ZNF385D: variants seen among roughly 807,000 people sequenced by gnomAD.
ZNF385D encodes the protein zinc finger protein 659.
ZNF385D carries 15 observed loss-of-function variants against 35.8 expected under a neutral mutation model. That is an observed-to-expected ratio of 0.42 (90% CI 0.28 to 0.64). ZNF385D has a LOEUF of 0.64. ZNF385D is among the 30% of genes least tolerant of loss of function. The pLI, the probability that ZNF385D is intolerant of heterozygous loss-of-function variation, is 0.23. For synonymous variants in ZNF385D, 212 were observed against 186.8 expected (o/e 1.13, Z -1.10); for missense variants, 474 against 494.6 (o/e 0.96, Z 0.39).
In ZNF385D at chr3:22,018,246, T is replaced by C. The variant is rs1697008766; in HGVS notation, c.325+150571A>G. 2.6e-5 allele frequency among the ~76,000 whole-genome samples: 4 copies of C among 151,676 alleles called. No individual in the cohort carries two copies. In the South Asian group the frequency reaches 8.3e-4, roughly 32 times the overall value. ...TGTCTAAGAGGGATATGTGTTTTTT[T>C]TTAAGAATTTTTCGAAAATAACTTG... On this transcript the variant is annotated intron_variant, in intron 3 of 5. Coordinates refer to the ZNF385D transcript ENST00000494108.
intron 2 of ZNF385D, among the ~76,000 whole-genome samples, chr3:22,353,091 C>T (rs1695991234): frequency 6.6e-6 from 1 of 152,186 alleles, no homozygotes; most frequent in African/African-American, 2.4e-5. Flanking sequence ...TAGGCAGTAG[C>T]TAAGGAAGCT....
rs564820237 is a variant in ZNF385D, at chr3:22,163,062, C to T, written c.325+5755G>A. Among the ~76,000 whole-genome samples, 41 of 152,216 alleles carry T rather than the reference C, an allele frequency of 2.7e-4. 1 individual carries two copies. In the South Asian group the frequency reaches 6.4e-3, roughly 24 times the overall value. On this transcript the variant is annotated intron_variant, in intron 3 of 5. Transcript: ENST00000494108. ...GAATGGACTTTCAGAGATGTCTACC[C>T]ACTTTTGAGGCAAGGAGCTGGGACT...
intron 3 of ZNF385D, among the ~76,000 whole-genome samples, chr3:21,994,056 C>A (rs1277405962): frequency 6.6e-6 from 1 of 152,168 alleles, no homozygotes; most frequent in East Asian, 1.9e-4. Context: ...TAAGCCCAAA[C>A]CTACACAAAG....
intron 3 of ZNF385D, among the ~76,000 whole-genome samples, chr3:21,833,329 G>C (rs1239234136): frequency 6.6e-6 from 1 of 152,140 alleles, no homozygotes; most frequent in Middle Eastern, 3.2e-3. Flanking sequence ...TATGGCAAAA[G>C]ATACAAATAA....
At chr3:21,985,754 C>G (rs879747123) in intron 3 of ZNF385D, among the ~76,000 whole-genome samples, 2,210 of 106,588 alleles carry the variant, frequency 0.021, 59 homozygotes, top group Non-Finnish European at 0.027. Flanking sequence ...ACCAGTTCCT[C>G]CTTGTACCTC....
intron 4 of ZNF385D, among the ~76,000 whole-genome samples, chr3:21,445,964 T>A (rs761892979): frequency 7.2e-5 from 11 of 152,176 alleles, no homozygotes; most frequent in Non-Finnish European, 1.6e-4. Context: ...GGGGCCAAGA[T>A]GTTGGGGAAA....
At position 21,679,192 on chromosome 3, in the gene ZNF385D, T is replaced by G. The variant is rs1392481475; in HGVS notation, c.23-14164A>C. ...CCTTCTATAAAATAAGAATAACAGC[T>G]AAATTCCAGGATTTCTGTAAGGCTT... On this transcript the variant is annotated intron_variant, in intron 1 of 7. Coordinates refer to ENST00000281523, the MANE Select transcript of ZNF385D (RefSeq NM_024697.3). Among the ~76,000 whole-genome samples the G allele has an allele frequency of 5.3e-5, 8 of 152,250 alleles. No individual in the cohort carries two copies. In the South Asian group the frequency reaches 8.3e-4, roughly 16 times the overall value.
chr3:22,181,645 C>T (rs921828352), intron 2 of ZNF385D, among the ~76,000 whole-genome samples: 5 of 141,354 alleles, frequency 3.5e-5, no homozygotes, highest in Middle Eastern at 7.3e-3. Flanking sequence ...TTGCAGTGAG[C>T]GGAGATGGGG....
intron 3 of ZNF385D, among the ~76,000 whole-genome samples, chr3:22,084,022 A>T (rs1022139679): frequency 3.9e-5 from 6 of 152,200 alleles, no homozygotes; most frequent in African/African-American, 1.4e-4. Context: ...CTTTACAGAC[A>T]AGGAAATGCT....
At chr3:21,666,642 G>A (rs2066416924) in intron 1 of ZNF385D, among the ~76,000 whole-genome samples, 1 of 152,202 alleles carries the variant, frequency 6.6e-6, no homozygotes. Context: ...TGTATTGAGT[G>A]TGAGTGTGTA....
At chr3:22,179,441 C>T (rs1402051391) in intron 2 of ZNF385D, among the ~76,000 whole-genome samples, 9 of 152,324 alleles carry the variant, frequency 5.9e-5, no homozygotes, top group East Asian at 3.9e-4. Context: ...GATTTTGTAT[C>T]CTGAGACTTT....
chr3:22,178,655 C>T (rs1041278828), intron 2 of ZNF385D, among the ~76,000 whole-genome samples: 70 of 152,124 alleles, frequency 4.6e-4, no homozygotes, highest in African/African-American at 1.6e-3. Context: ...GAAGTCCTTG[C>T]CCCCCATGCC....
intron 3 of ZNF385D, among the ~76,000 whole-genome samples, chr3:21,952,303 T>G (rs534987529): frequency 6.6e-6 from 1 of 152,096 alleles, no homozygotes; most frequent in Non-Finnish European, 1.5e-5. Context: ...TGGTCTTTGT[T>G]TTACTCTCTA....
chr3:22,321,162 TTG>T (rs1302890297), intron 2 of ZNF385D, among the ~76,000 whole-genome samples: 26 of 116,856 alleles, frequency 2.2e-4, no homozygotes, highest in South Asian at 8.0e-4. Context: ...ACTTATGACC[TTG>T]TTTTTTTTTT....
chr3:21,816,430 C>T (rs988698371), intron 3 of ZNF385D, among the ~76,000 whole-genome samples: 2 of 152,114 alleles, frequency 1.3e-5, no homozygotes, highest in Non-Finnish European at 1.5e-5. Context: ...TCTAGAAAAC[C>T]CCATTGTCTC....
At chr3:21,788,372 G>C (rs1406230193) in intron 3 of ZNF385D, among the ~76,000 whole-genome samples, 1 of 152,136 alleles carries the variant, frequency 6.6e-6, no homozygotes, top group Non-Finnish European at 1.5e-5. Flanking sequence ...CAGCTACTTG[G>C]GGGGCTGAGG....
intron 3 of ZNF385D, among the ~76,000 whole-genome samples, chr3:21,919,519 G>A (rs1260136352): frequency 1.3e-5 from 2 of 152,180 alleles, no homozygotes; most frequent in Non-Finnish European, 2.9e-5. Context: ...AACAAGTAGT[G>A]GGAGACAGAC....
At chr3:21,614,985 A>G (rs2064803325) in intron 2 of ZNF385D, among the ~76,000 whole-genome samples, 1 of 152,248 alleles carries the variant, frequency 6.6e-6, no homozygotes, top group African/African-American at 2.4e-5. Flanking sequence ...AGTACTCTGA[A>G]TAGCCATCTG....
At chr3:22,037,024 C>A (rs1312736063) in intron 3 of ZNF385D, among the ~76,000 whole-genome samples, 1 of 151,714 alleles carries the variant, frequency 6.6e-6, no homozygotes, top group Non-Finnish European at 1.5e-5. Context: ...CATCCATATC[C>A]CAAAAAGAAC....
Sources: gnomAD v4.1 joint callset for allele counts (sites outside exome capture counted in the v4.1 genomes callset) on GRCh38, gnomAD v4.1.1 for gene constraint, MANE v1.5 for transcripts, NCBI Gene and HGNC (gene_info 2026-07-23, HGNC 2026-07-21) for gene names.